PRSS33: variants seen among roughly 807,000 people sequenced by gnomAD.
The protein encoded by PRSS33 is serine protease 33, also known as protease, serine 33.
Under a neutral mutation model 26.7 loss-of-function variants are expected in PRSS33, and 32 were observed. That is an observed-to-expected ratio of 1.20 (90% CI 0.90 to 1.61). The LOEUF (loss-of-function observed/expected upper bound fraction) is 1.61. PRSS33 is among the 40% of genes most tolerant of loss of function. The pLI is 0.00. For synonymous variants in PRSS33, 192 were observed against 177.6 expected (o/e 1.08, Z -0.64); for missense variants, 450 against 396.3 (o/e 1.14, Z -1.15).
In PRSS33 at chr16:2,786,047, T is replaced by C. The variant is rs1249346560; in HGVS notation, c.79+42A>G. ...TTGGTGGGGAGACACGGGGCCGAGG[T>C]CCAGGAGGGGCTGACTCGGGTGGAC... On this transcript the variant is annotated intron_variant, in intron 3 of 6. Coordinates refer to ENST00000682474, the MANE Select transcript of PRSS33 (RefSeq NM_152891.3). The C allele has an allele frequency of 2.5e-6, 4 of 1,612,294 alleles. No homozygotes were observed. The Admixed American group carries it at 6.7e-5, about 27-fold the overall frequency.
intron 6 of PRSS33, 91 bp from the exon 7 acceptor site, chr16:2,784,893 G>A: frequency 6.6e-7 from 1 of 1,526,202 alleles, no homozygotes. Flanking sequence ...CTAGGTTGGA[G>A]GCCAGGATCC....
Position 2,784,586 on chromosome 16 carries a change from G to A in PRSS33, c.*58C>T. 1 of 1,490,072 alleles carries A rather than the reference G, an allele frequency of 6.7e-7. No homozygotes were observed. The allele number at this position is 1,490,072 out of a possible 1,614,324, so 92.3% of individuals were successfully genotyped here. A position where few individuals can be genotyped will look rare whatever the true frequency, so the allele number is the denominator to read the frequency against. On this transcript the variant is annotated 3_prime_UTR_variant, in exon 7 of 7. Transcript: ENST00000682474. ...GTGGGGTATAGGCAGGTGCCTGGATGAACCAGGAGGCTGAGGGACCCCAGC... is the reference window on the plus strand; with the variant it reads ...GTGGGGTATAGGCAGGTGCCTGGATAAACCAGGAGGCTGAGGGACCCCAGC...
At position 2,785,408 on chromosome 16, in the gene PRSS33, G is replaced by A. The variant is rs1353333969; in HGVS notation, c.481C>T (p.Arg161Trp). The change falls in exon 5 of 7, where the codon CGG (arginine) becomes TGG (tryptophan). Residue 161 changes from arginine (R) to tryptophan (W), a missense_variant. Arg to Trp is a moderately radical substitution (Grantham distance 101). Coordinates refer to ENST00000682474, the MANE Select transcript of PRSS33 (RefSeq NM_152891.3). ...GARPPPGTPC[R>W]VTGWGSLRPG... ...CGGAGGCTGCCCCAGCCGGTGACCC[G>A]GCATGGTGTGCCGGGCGGCGGGCGG... 5 of 1,445,526 alleles carry A rather than the reference G, an allele frequency of 3.5e-6. No individual in the cohort carries two copies. The highest frequency in any genetic ancestry group is 2.7e-5 in the East Asian group (1 of 37,622). 89.5% of individuals were successfully genotyped at this position (1,445,526 alleles called of 1,614,324 possible). A position where few individuals can be genotyped will look rare whatever the true frequency, so the allele number is the denominator to read the frequency against.
Position 2,784,728 on chromosome 16 carries a change from C to G in PRSS33, c.759G>C (p.Lys253Asn). 4 of 1,607,246 alleles carry G rather than the reference C, an allele frequency of 2.5e-6. No individual in the cohort carries two copies. Among genetic ancestry groups the G allele is most frequent in the Non-Finnish European group, 3.4e-6 (4 of 1,177,106 alleles). Residue 253 changes from lysine (K) to asparagine (N), a missense_variant, in exon 7 of 7, where the codon AAG becomes AAC. Physicochemically the swap from Lys to Asn is moderately conservative, Grantham distance 94. Transcript: ENST00000682474. ...WVLVGVVSWGKGCALPNRPGV... is the reference protein window; with the variant it reads ...WVLVGVVSWGNGCALPNRPGV... ...CTGGACGGTTGGGCAGGGCACAACC[C>G]TTGCCCCAGCTCACCACGCCCACCA...
rs1467495255 is a variant in PRSS33, at chr16:2,785,586, C to G, written c.303G>C (p.Ser101=). 6.6e-7 allele frequency: 1 copy of G among 1,522,522 alleles called. No individual in the cohort carries two copies. Among genetic ancestry groups the G allele is most frequent in the African/African-American group, 1.4e-5 (1 of 71,820 alleles). 94.3% of individuals were successfully genotyped at this position (1,522,522 alleles called of 1,614,324 possible). ...RLGALRLGST[S]PRTLSVPVRR... ...GCACGGGCACCGAGAGCGTGCGGGGCGAGGTGGAGCCCAGACGCAGCGCCC... is the reference window on the plus strand; with the variant it reads ...GCACGGGCACCGAGAGCGTGCGGGGGGAGGTGGAGCCCAGACGCAGCGCCC... Residue 101 remains serine, a synonymous_variant, in exon 5 of 7, where the codon TCG becomes TCC. Transcript: ENST00000682474.
chr16:2,785,176 G>A lies in PRSS33; in HGVS notation c.515-5C>T. 1 of 1,535,100 alleles carries A rather than the reference G, an allele frequency of 6.5e-7. No homozygotes were observed. The highest frequency in any genetic ancestry group is 8.7e-7 in the Non-Finnish European group (1 of 1,144,118). On this transcript the variant is annotated splice_region_variant and splice_polypyrimidine_tract_variant and intron_variant, in intron 5 of 6. Coordinates refer to ENST00000682474, the MANE Select transcript of PRSS33 (RefSeq NM_152891.3). ...GTCGCCACTCTGGGAGGGGCACTGG[G>A]GGAAGAGGAGGGACCTCTGAGAGGA...
Position 2,786,515 on chromosome 16 carries a change from G to C in PRSS33, c.33C>G (p.Leu11=), listed in dbSNP as rs553697368. 136 of 1,613,362 alleles carry C rather than the reference G, an allele frequency of 8.4e-5. No individual in the cohort carries two copies. In the South Asian group the frequency reaches 1.3e-3, roughly 16 times the overall value. The part of the protein sequence containing the change: MRGVSCLQVL[L]LLVLGAAGTQ... Reference sequence around the variant, plus strand: ...GTCCCCACTCACCCAGCACCAGAAGGAGCAGGACCTGGAGACAGGAAACCC... The same window carrying C: ...GTCCCCACTCACCCAGCACCAGAAGCAGCAGGACCTGGAGACAGGAAACCC... The change falls in exon 2 of 7, where the codon CTC becomes CTG. Residue 11 remains leucine, a synonymous_variant. Coordinates refer to ENST00000682474, the MANE Select transcript of PRSS33 (RefSeq NM_152891.3).
At chr16:2,786,389 A>G (rs892190976) in intron 2 of PRSS33, 113 bp downstream of exon 2, 9 of 1,284,208 alleles carry the variant, frequency 7.0e-6, no homozygotes, top group Non-Finnish European at 9.8e-6. Flanking sequence ...CTTGGAATCA[A>G]GATTAGAAAG....
Position 2,783,966 on chromosome 16 carries a change from C to T in PRSS33, c.*678G>A, listed in dbSNP as rs2068845527. On this transcript the variant is annotated 3_prime_UTR_variant, in exon 7 of 7. Transcript: ENST00000682474. Reference sequence around the variant, plus strand: ...AGCACAAATGGAGCAGCTTAAAGCACACATTTATTAAGTCACAACTTTGTA... The same window carrying T: ...AGCACAAATGGAGCAGCTTAAAGCATACATTTATTAAGTCACAACTTTGTA... 6.6e-6 allele frequency: 1 copy of T among 152,270 alleles called. No homozygotes were observed. Among genetic ancestry groups the T allele is most frequent in the Admixed American group, 6.5e-5 (1 of 15,290 alleles). 9.4% of individuals were successfully genotyped at this position (152,270 alleles called of 1,614,324 possible). A position where few individuals can be genotyped will look rare whatever the true frequency, so the allele number is the denominator to read the frequency against.
In PRSS33 at chr16:2,784,637, G is replaced by T; in HGVS notation, c.*7C>A. 1 of 1,580,596 alleles carries T rather than the reference G, an allele frequency of 6.3e-7. No homozygotes were observed. Among genetic ancestry groups the T allele is most frequent in the Non-Finnish European group, 8.6e-7 (1 of 1,162,086 alleles). On this transcript the variant is annotated 3_prime_UTR_variant, in exon 7 of 7. Transcript: ENST00000682474. Reference sequence around the variant, plus strand: ...AGCTGGCTCCAGGTCAGCCTCACCGGCTAGCATTAGAAGCTGACGCGAGCC... The same window carrying T: ...AGCTGGCTCCAGGTCAGCCTCACCGTCTAGCATTAGAAGCTGACGCGAGCC...
rs2068856053 is a variant in PRSS33 at position 2,785,041 on chromosome 16, C to T, written c.645G>A (p.Leu215=). The change falls in exon 6 of 7, where the codon CTG becomes CTA. Residue 215 remains leucine, a synonymous_variant. Coordinates refer to ENST00000682474, the MANE Select transcript of PRSS33 (RefSeq NM_152891.3). Reference sequence around the variant, plus strand: ...TGTGGCCCTGGGGGTAGCCGGCACACAGACTCCCAGGCAGCACAATGCGCT... The same window carrying T: ...TGTGGCCCTGGGGGTAGCCGGCACATAGACTCCCAGGCAGCACAATGCGCT... ...QAERIVLPGS[L]CAGYPQGHKD... 6.3e-7 allele frequency: 1 copy of T among 1,589,084 alleles called. No homozygotes were observed. Among genetic ancestry groups the T allele is most frequent in the Non-Finnish European group, 8.5e-7 (1 of 1,170,300 alleles).
chr16:2,784,550 G>A lies in PRSS33; in HGVS notation c.*94C>T. ...CTTTTTTAGGCATCTTGGCCTCGAG[G>A]CAGAAGGGATGTGGGGTATAGGCAG... On this transcript the variant is annotated 3_prime_UTR_variant, in exon 7 of 7. Coordinates refer to ENST00000682474, the MANE Select transcript of PRSS33 (RefSeq NM_152891.3). 1 of 1,297,982 alleles carries A rather than the reference G, an allele frequency of 7.7e-7. No homozygotes were observed. Among genetic ancestry groups the A allele is most frequent in the Non-Finnish European group, 1.0e-6 (1 of 959,510 alleles). 80.4% of individuals were successfully genotyped at this position (1,297,982 alleles called of 1,614,324 possible).
intron 2 of PRSS33, 84 bp from the exon 3 acceptor site, chr16:2,786,205 G>A: frequency 8.0e-7 from 1 of 1,248,826 alleles, no homozygotes; most frequent in African/African-American, 1.5e-5. Flanking sequence ...GATGAGGAAG[G>A]AGGGTGAAAC....
In PRSS33 at chr16:2,785,838, G is replaced by T; in HGVS notation, c.203C>A (p.Ala68Asp). The change falls in exon 4 of 7, where the codon GCC (alanine) becomes GAC (aspartate). Residue 68 changes from alanine to aspartate, a missense_variant. Ala to Asp is a moderately radical substitution (Grantham distance 126). Coordinates refer to ENST00000682474, the MANE Select transcript of PRSS33 (RefSeq NM_152891.3). ...CGCCGCTGTCAGCACCCACTGGGGG[G>T]CGATGAGCGACCCCCCGCACACGTG... ...GAHVCGGSLI[A>D]PQWVLTAAHC... is the part of the protein sequence containing the mutation. The T allele has an allele frequency of 6.2e-7, 1 of 1,606,528 alleles. No homozygotes were observed. Among genetic ancestry groups the T allele is most frequent in the South Asian group, 1.1e-5 (1 of 90,692 alleles).
chr16:2,785,405 C>G lies in PRSS33; in HGVS notation c.484G>C (p.Val162Leu), dbSNP rs769756854. ...ARPPPGTPCR[V>L]TGWGSLRPGV... ...GGGCGGAGGCTGCCCCAGCCGGTGA[C>G]CCGGCATGGTGTGCCGGGCGGCGGG... Residue 162 changes from valine to leucine, a missense_variant, in exon 5 of 7, where the codon GTC becomes CTC. Coordinates refer to ENST00000682474, the MANE Select transcript of PRSS33 (RefSeq NM_152891.3). 5.1e-5 allele frequency: 74 copies of G among 1,439,346 alleles called. No individual in the cohort carries two copies. The Middle Eastern group carries it at 7.4e-4, about 14-fold the overall frequency. 89.2% of individuals were successfully genotyped at this position (1,439,346 alleles called of 1,614,324 possible). A position where few individuals can be genotyped will look rare whatever the true frequency, so the allele number is the denominator to read the frequency against.
intron 1 of PRSS33, chr16:2,786,932 C>G: frequency 8.6e-6 from 1 of 116,178 alleles, no homozygotes; most frequent in Admixed American, 9.2e-5. Context: ...ACTCCCTCCT[C>G]CATCCTCACC....
At position 2,786,615 on chromosome 16, in the gene PRSS33, C is replaced by G; in HGVS notation, c.-57-11G>C. ...GGCTTGGACTCTGGTCTGGAGCCAG[C>G]AGGGAGAAGAGAGGAGAGTCCTGGC... is the stretch of plus-strand genomic sequence containing the variant. On this transcript the variant is annotated splice_polypyrimidine_tract_variant and intron_variant, in intron 1 of 6. Transcript: ENST00000682474. 5 of 1,581,366 alleles carry G rather than the reference C, an allele frequency of 3.2e-6. No homozygotes were observed. The highest frequency in any genetic ancestry group is 4.3e-6 in the Non-Finnish European group (5 of 1,155,062).
rs1225907988 is a variant in PRSS33 at position 2,785,283 on chromosome 16, G to A, written c.514+92C>T. ...TTCCCTAGAAGCCGCGCTGGGTCCT[G>A]GATTGGGGCAGTGAGGGGCTGGGAT... On this transcript the variant is annotated intron_variant, in intron 5 of 6. Coordinates refer to ENST00000682474, the MANE Select transcript of PRSS33 (RefSeq NM_152891.3). 4.1e-6 allele frequency: 6 copies of A among 1,447,542 alleles called. No individual in the cohort carries two copies. The African/African-American group carries it at 5.6e-5, about 14-fold the overall frequency. The allele number at this position is 1,447,542 out of a possible 1,614,324, so 89.7% of individuals were successfully genotyped here. A position where few individuals can be genotyped will look rare whatever the true frequency, so the allele number is the denominator to read the frequency against.
In PRSS33 at chr16:2,784,355, G is replaced by C. The variant is rs1389057708; in HGVS notation, c.*289C>G. 1 of 322,022 alleles carries C rather than the reference G, an allele frequency of 3.1e-6. No homozygotes were observed. Among genetic ancestry groups the C allele is most frequent in the Non-Finnish European group, 5.8e-6 (1 of 172,044 alleles). 19.9% of individuals were successfully genotyped at this position (322,022 alleles called of 1,614,324 possible). Reference sequence around the variant, plus strand: ...CCCATCACTGCGTGCCTTGCGCCCAGCCCTGGCCAGGGCCAAGAAAAGTAA... The same window carrying C: ...CCCATCACTGCGTGCCTTGCGCCCACCCCTGGCCAGGGCCAAGAAAAGTAA... On this transcript the variant is annotated 3_prime_UTR_variant, in exon 7 of 7. Coordinates refer to ENST00000682474, the MANE Select transcript of PRSS33 (RefSeq NM_152891.3).
Sources: gnomAD v4.1 joint callset for allele counts on GRCh38, gnomAD v4.1.1 for gene constraint, MANE v1.5 for transcripts, NCBI Gene and HGNC (gene_info 2026-07-23, HGNC 2026-07-21) for gene names.